PRELID2: variants seen among roughly 807,000 people sequenced by gnomAD.
PRELID2 encodes the protein PRELI domain containing 2.
PRELID2 carries 25 observed loss-of-function variants against 28.4 expected under a neutral mutation model. The observed-to-expected ratio is 0.88, with a 90% confidence interval of 0.64 to 1.23. The LOEUF is 1.23. Ranked by LOEUF, PRELID2 falls within the 50% of genes most tolerant of loss-of-function variation. PRELID2 has a pLI of 0.00. For missense variants in PRELID2, 201 were observed against 214.4 expected (o/e 0.94, Z 0.39); for synonymous variants, 76 against 71.6 (o/e 1.06, Z -0.31).
At chr5:145,389,666 A>ATC in the PRELID2 span, among the ~76,000 whole-genome samples, 1 of 152,144 alleles carries the variant, frequency 6.6e-6, no homozygotes, top group Admixed American at 6.6e-5. Context: ...TGTTCTAAAA[A>ATC]TCTCTCTTGG....
chr5:145,788,493 C>G (rs78258459), intron 5 of PRELID2, among the ~76,000 whole-genome samples: 5 of 152,188 alleles, frequency 3.3e-5, no homozygotes, highest in African/African-American at 1.2e-4. Flanking sequence ...GGCACACCCA[C>G]CAGTGCTCAT....
chr5:145,421,961 C>T, the PRELID2 span, among the ~76,000 whole-genome samples: 3 of 151,880 alleles, frequency 2.0e-5, no homozygotes, highest in Non-Finnish European at 2.9e-5. Context: ...TCAAAGAACA[C>T]CTTTATTTCT....
intron 1 of PRELID2, among the ~76,000 whole-genome samples, chr5:145,595,933 T>C (rs1753298716): frequency 6.6e-6 from 1 of 151,760 alleles, no homozygotes; most frequent in African/African-American, 2.4e-5. Flanking sequence ...TCATATCTAT[T>C]CAAAAGCCTT....
intron 1 of PRELID2, among the ~76,000 whole-genome samples, chr5:145,687,288 C>T (rs896408074): frequency 6.6e-6 from 1 of 152,126 alleles, no homozygotes; most frequent in African/African-American, 2.4e-5. Flanking sequence ...TCAGGAAAGC[C>T]GGGTCCCAGT....
the PRELID2 span, among the ~76,000 whole-genome samples, chr5:145,344,828 T>C: frequency 6.6e-6 from 1 of 152,138 alleles, no homozygotes; most frequent in Non-Finnish European, 1.5e-5. Context: ...AGCACTTATG[T>C]TTCTTCTTTA....
the PRELID2 span, among the ~76,000 whole-genome samples, chr5:145,309,318 T>A: frequency 6.6e-6 from 1 of 152,104 alleles, no homozygotes; most frequent in Non-Finnish European, 1.5e-5. Flanking sequence ...CTGGGCTGGA[T>A]CTGAAGAATG....
chr5:145,513,506 G>A (rs377477988), intron 1 of PRELID2, among the ~76,000 whole-genome samples: 185 of 152,212 alleles, frequency 1.2e-3, no homozygotes, highest in East Asian at 6.8e-3. Flanking sequence ...CCGAATCTAC[G>A]TTTGATTGGT....
chr5:145,424,397 G>A, the PRELID2 span, among the ~76,000 whole-genome samples: 2 of 152,234 alleles, frequency 1.3e-5, no homozygotes, highest in Non-Finnish European at 2.9e-5. Context: ...GACTCCGTGA[G>A]CGTTGGACCC....
At chr5:145,243,763 T>C in the PRELID2 span, among the ~76,000 whole-genome samples, 1 of 152,100 alleles carries the variant, frequency 6.6e-6, no homozygotes, top group Admixed American at 6.6e-5. Flanking sequence ...ACAATAAATA[T>C]TCAACAAAAG....
At chr5:145,583,379 A>G (rs1243707870) in intron 1 of PRELID2, among the ~76,000 whole-genome samples, 1 of 152,134 alleles carries the variant, frequency 6.6e-6, no homozygotes, top group Non-Finnish European at 1.5e-5. Flanking sequence ...GAAAACCAGC[A>G]CAAGACAAGG....
At chr5:145,591,133 AAAACAT>A (rs1554077836) in intron 1 of PRELID2, among the ~76,000 whole-genome samples, 1 of 151,296 alleles carries the variant, frequency 6.6e-6, no homozygotes, top group Non-Finnish European at 1.5e-5. Context: ...CTGTCTCTAC[AAAACAT>A]AAAAATATTA....
At chr5:145,323,712 G>C in the PRELID2 span, among the ~76,000 whole-genome samples, 1 of 152,056 alleles carries the variant, frequency 6.6e-6, no homozygotes, top group Non-Finnish European at 1.5e-5. Context: ...AGAACCTATG[G>C]CATTTTATTT....
At chr5:145,314,406 A>T in the PRELID2 span, among the ~76,000 whole-genome samples, 403 of 152,346 alleles carry the variant, frequency 2.6e-3, 1 homozygote, top group African/African-American at 9.0e-3. Flanking sequence ...AGGGGAAAAC[A>T]GAAAGAGCAA....
At chr5:145,681,029 C>T (rs913215951) in intron 1 of PRELID2, among the ~76,000 whole-genome samples, 13 of 152,186 alleles carry the variant, frequency 8.5e-5, no homozygotes, top group African/African-American at 2.9e-4. Flanking sequence ...GGATAATGAA[C>T]CCCACAGCTG....
chr5:145,392,585 A>G, the PRELID2 span, among the ~76,000 whole-genome samples: 1 of 152,164 alleles, frequency 6.6e-6, no homozygotes, highest in Non-Finnish European at 1.5e-5. Context: ...AGAGGACACA[A>G]TGCACTCTGA....
intron 1 of PRELID2, among the ~76,000 whole-genome samples, chr5:145,722,929 G>A (rs749877092): frequency 6.6e-6 from 1 of 152,108 alleles, no homozygotes; most frequent in Non-Finnish European, 1.5e-5. Flanking sequence ...GGTACCAGGA[G>A]CAGAAGTTTT....
At chr5:145,528,028 C>T (rs1203986963) in intron 1 of PRELID2, among the ~76,000 whole-genome samples, 1 of 152,032 alleles carries the variant, frequency 6.6e-6, no homozygotes, top group African/African-American at 2.4e-5. Context: ...CTCCCAGCGA[C>T]CACCTATCAC....
At chr5:145,541,358 C>A (rs1311800320) in intron 1 of PRELID2, among the ~76,000 whole-genome samples, 1 of 151,976 alleles carries the variant, frequency 6.6e-6, no homozygotes, top group Non-Finnish European at 1.5e-5. Flanking sequence ...AATGTAGGAA[C>A]TTTTACGTCC....
At chr5:145,329,966 T>A in the PRELID2 span, among the ~76,000 whole-genome samples, 1 of 152,172 alleles carries the variant, frequency 6.6e-6, no homozygotes, top group Non-Finnish European at 1.5e-5. Flanking sequence ...CAATACCTAG[T>A]TTATTGAGAG....
Sources: allele counts gnomAD v4.1 joint callset (sites outside exome capture counted in the v4.1 genomes callset), GRCh38; gene constraint gnomAD v4.1.1; transcripts MANE v1.5; gene names NCBI Gene and HGNC (gene_info 2026-07-23, HGNC 2026-07-21).